ZMYND8: variants seen among roughly 807,000 people sequenced by gnomAD.
ZMYND8 encodes MYND-type zinc finger-containing chromatin reader ZMYND8.
In ZMYND8, 37 loss-of-function variants were observed where a neutral mutation model predicts 140.8. That is an observed-to-expected ratio of 0.26 (90% CI 0.20 to 0.35). ZMYND8 has a LOEUF of 0.35. ZMYND8 is among the 10% of genes least tolerant of loss of function. ZMYND8 has a pLI of 1.00. For synonymous variants in ZMYND8, 592 were observed against 597.1 expected, an observed-to-expected ratio of 0.99 and a Z score of 0.12; for missense variants, 1,068 against 1,570.0, an observed-to-expected ratio of 0.68 and a Z score of 5.40.
intron 1 of ZMYND8, chr20:47,348,599 C>G (rs916804273): frequency 6.6e-6 from 1 of 152,346 alleles, no homozygotes; most frequent in Admixed American, 6.5e-5. Context: ...GACTAATTAT[C>G]CCCCACCACA....
chr20:47,220,403 G>T, intron 20 of ZMYND8, 79 bp from the exon 21 acceptor site: 1 of 1,192,372 alleles, frequency 8.4e-7, no homozygotes, highest in Non-Finnish European at 1.2e-6. Context: ...AGGGAGTCAT[G>T]GGGGTGCTCA....
chr20:47,221,431 T>A lies in ZMYND8; in HGVS notation c.3300A>T (p.Glu1100Asp), dbSNP rs764039837. ...QQEADAEVNT[E>D]TLNKSSQGSS... The stretch of plus-strand genomic sequence containing the variant: ...TCCCCTGGGAGGACTTATTTAGTGT[T>A]TCTGTGTTCACCTCAGCATCCGCTT... The change falls in exon 20 of 23, where the codon GAA becomes GAT. Residue 1100 changes from glutamate to aspartate, a missense_variant. By Grantham distance (45) the Glu-to-Asp change is conservative (BLOSUM62 2). Around this residue, in one of 10 missense-constraint regions of ZMYND8, gnomAD observed 180 missense variants for 187.8 expected, o/e 0.96. Coordinates refer to ENST00000471951, the MANE Select transcript of ZMYND8 (RefSeq NM_001281775.3). 6.2e-7 allele frequency: 1 copy of A among 1,614,150 alleles called. No homozygotes were observed. Among genetic ancestry groups the A allele is most frequent in the Non-Finnish European group, 8.5e-7 (1 of 1,180,012 alleles).
intron 12 of ZMYND8, among the ~76,000 whole-genome samples, chr20:47,260,781 C>A (rs533212559): frequency 4.7e-4 from 71 of 152,296 alleles, no homozygotes; most frequent in Non-Finnish European, 8.8e-4. Flanking sequence ...TTATTATTTT[C>A]TCTATCTTTC....
At chr20:47,230,435 C>T (rs1369152375) in intron 16 of ZMYND8, among the ~76,000 whole-genome samples, 4 of 151,888 alleles carry the variant, frequency 2.6e-5, no homozygotes, top group South Asian at 2.1e-4. Flanking sequence ...GGATTACAAG[C>T]GCACACCACC....
At chr20:47,355,198 T>A (rs530742002) in intron 1 of ZMYND8, among the ~76,000 whole-genome samples, 32 of 152,324 alleles carry the variant, frequency 2.1e-4, no homozygotes, top group African/African-American at 7.5e-4. Context: ...CAAGTCACAA[T>A]GAACTGAACA....
chr20:47,262,961 T>C (rs1601402357), intron 11 of ZMYND8, among the ~76,000 whole-genome samples: 2 of 152,262 alleles, frequency 1.3e-5, no homozygotes, highest in East Asian at 3.9e-4. Context: ...CAGTACCAGA[T>C]GGAGTGAGGG....
intron 11 of ZMYND8, among the ~76,000 whole-genome samples, chr20:47,271,624 C>T (rs751204804): frequency 2.0e-5 from 3 of 152,140 alleles, no homozygotes; most frequent in Non-Finnish European, 2.9e-5. Flanking sequence ...ATATAAAAAG[C>T]GCTGGAAACA....
intron 2 of ZMYND8, among the ~76,000 whole-genome samples, chr20:47,311,253 C>T (rs1214311711): frequency 6.6e-6 from 1 of 152,174 alleles, no homozygotes. Context: ...CTTGTGGATT[C>T]TCACCAGCCC....
Position 47,278,233 on chromosome 20 carries a change from T to C in ZMYND8, c.999-1438A>G, listed in dbSNP as rs373580583. On this transcript the variant is annotated intron_variant, in intron 10 of 22. Transcript: ENST00000471951. ...CCTGAACTCAAGCAATCCTTCCACC[T>C]TGGCCTCCCCAAGAGCTGGGATTAT... 3.9e-5 allele frequency among the ~76,000 whole-genome samples: 6 copies of C among 152,338 alleles called. No homozygotes were observed. The South Asian group carries it at 6.2e-4, about 16-fold the overall frequency.
chr20:47,305,281 C>G (rs959734558), intron 3 of ZMYND8, among the ~76,000 whole-genome samples: 6 of 151,100 alleles, frequency 4.0e-5, no homozygotes, highest in Admixed American at 4.0e-4. Flanking sequence ...GAGTCTCGCT[C>G]TGTCACCCAG....
chr20:47,343,957 C>CTTTT (rs750832298), intron 2 of ZMYND8, among the ~76,000 whole-genome samples: 9 of 119,928 alleles, frequency 7.5e-5, no homozygotes, highest in South Asian at 2.9e-4. Flanking sequence ...AGTGATAAAT[C>CTTTT]TTTTTTTTTT....
At chr20:47,218,594 C>T (rs2036464622) in intron 21 of ZMYND8, among the ~76,000 whole-genome samples, 1 of 152,060 alleles carries the variant, frequency 6.6e-6, no homozygotes, top group Non-Finnish European at 1.5e-5. Flanking sequence ...GGGGAGCATG[C>T]GGCTAAAATC....
At chr20:47,354,989 A>G (rs1431804118) in intron 1 of ZMYND8, among the ~76,000 whole-genome samples, 7 of 152,106 alleles carry the variant, frequency 4.6e-5, no homozygotes, top group Admixed American at 4.6e-4. Context: ...GAGATTTTGC[A>G]CTATACATAA....
intron 8 of ZMYND8, among the ~76,000 whole-genome samples, chr20:47,284,774 T>C (rs2147895556): frequency 6.6e-6 from 1 of 152,296 alleles, no homozygotes; most frequent in African/African-American, 2.4e-5. Context: ...AATAACATTG[T>C]AGCTTAGAGC....
intron 18 of ZMYND8, 96 bp from the exon 19 acceptor site, chr20:47,224,652 G>T (rs1381063978): frequency 1.0e-4 from 164 of 1,565,114 alleles, no homozygotes; most frequent in Non-Finnish European, 1.4e-4. Flanking sequence ...GTGGATGCAA[G>T]ACCTGGCTGG....
chr20:47,347,721 A>C, intron 2 of ZMYND8, 135 bp downstream of exon 2: 1 of 865,780 alleles, frequency 1.2e-6, no homozygotes, highest in Non-Finnish European at 1.8e-6. Flanking sequence ...CCATCAAAAA[A>C]TCTTATATCT....
intron 22 of ZMYND8, 99 bp from the exon 23 acceptor site, chr20:47,210,996 T>C: frequency 6.7e-7 from 1 of 1,498,468 alleles, no homozygotes; most frequent in East Asian, 2.3e-5. Context: ...GGAAACCACC[T>C]TCCCCTCCCA....
At chr20:47,216,953 T>C (rs955472967) in intron 21 of ZMYND8, among the ~76,000 whole-genome samples, 3 of 152,150 alleles carry the variant, frequency 2.0e-5, no homozygotes, top group African/African-American at 4.8e-5. Context: ...TGAGAGGAGT[T>C]TGTGTTCTTG....
chr20:47,327,109 G>A (rs1358265490), intron 2 of ZMYND8, among the ~76,000 whole-genome samples: 1 of 152,054 alleles, frequency 6.6e-6, no homozygotes, highest in East Asian at 2.0e-4. Flanking sequence ...TGGAAAAGGA[G>A]CAATCAGTGG....
Sources: allele counts gnomAD v4.1 joint callset (sites outside exome capture counted in the v4.1 genomes callset), GRCh38; gene constraint gnomAD v4.1.1; regional missense constraint gnomAD v4.1.1; transcripts MANE v1.5; gene names NCBI Gene and HGNC (gene_info 2026-07-23, HGNC 2026-07-21).